ADGRL3: variants seen among roughly 807,000 people sequenced by gnomAD.
ADGRL3 encodes the protein adhesion G protein-coupled receptor L3, also known as calcium-independent alpha-latrotoxin receptor 3.
In ADGRL3, 62 loss-of-function variants were observed where a neutral mutation model predicts 153.5. The ratio of observed to expected loss-of-function variants is 0.40; its 90% confidence interval spans 0.33 to 0.50. The LOEUF (loss-of-function observed/expected upper bound fraction) is 0.50, where lower values mean the gene tolerates loss of function less well. Ranked by LOEUF, ADGRL3 falls within the 20% of genes least tolerant of loss-of-function variation. The pLI is 0.47. For synonymous variants in ADGRL3, 710 were observed against 672.5 expected (o/e 1.06, Z -0.86); for missense variants, 1,641 against 1,859.4 (o/e 0.88, Z 2.16).
chr4:61,979,085 C>T (rs960918399), intron 17 of ADGRL3, among the ~76,000 whole-genome samples: 4 of 151,992 alleles, frequency 2.6e-5, no homozygotes, highest in African/African-American at 9.7e-5. Flanking sequence ...ATTTAGAGGA[C>T]AAAGGAATTG....
chr4:61,881,059 T>A (rs900462385), intron 9 of ADGRL3, among the ~76,000 whole-genome samples: 7 of 152,182 alleles, frequency 4.6e-5, no homozygotes, highest in Non-Finnish European at 1.0e-4. Context: ...TATGTTTATT[T>A]GATGAAAAAT....
intron 4 of ADGRL3, among the ~76,000 whole-genome samples, chr4:61,530,119 G>C (rs2098603168): frequency 6.6e-6 from 1 of 152,038 alleles, no homozygotes; most frequent in Non-Finnish European, 1.5e-5. Flanking sequence ...TGAAAATAAT[G>C]GGTATTAAAT....
chr4:61,526,214 A>G (rs1172192959), intron 4 of ADGRL3, among the ~76,000 whole-genome samples: 2 of 152,168 alleles, frequency 1.3e-5, no homozygotes, highest in African/African-American at 4.8e-5. Flanking sequence ...ATCACCGAGC[A>G]TGAGCTAAGT....
At chr4:61,499,766 T>C (rs2098363316) in intron 3 of ADGRL3, among the ~76,000 whole-genome samples, 1 of 152,070 alleles carries the variant, frequency 6.6e-6, no homozygotes, top group Admixed American at 6.6e-5. Flanking sequence ...ACACAATTCG[T>C]ATTCAAAAGA....
chr4:61,290,879 A>G (rs1343141940), intron 1 of ADGRL3, among the ~76,000 whole-genome samples: 1 of 152,014 alleles, frequency 6.6e-6, no homozygotes, highest in Non-Finnish European at 1.5e-5. Flanking sequence ...AGTTTCTCAT[A>G]CTTCTAGATA....
At position 62,071,909 on chromosome 4, in the gene ADGRL3, G is replaced by T; in HGVS notation, c.*1001G>T. On this transcript the variant is annotated 3_prime_UTR_variant, in exon 27 of 27. Transcript: ENST00000683033. ...TCCTTCCCTCACTATATATCTTTATGCAGTCAGAATATTTCCAACAGTGTT... is the reference window on the plus strand; with the variant it reads ...TCCTTCCCTCACTATATATCTTTATTCAGTCAGAATATTTCCAACAGTGTT... The T allele has an allele frequency of 7.0e-6, 2 of 286,240 alleles. No homozygotes were observed. Among genetic ancestry groups the T allele is most frequent in the South Asian group, 3.3e-5 (1 of 30,170 alleles). 17.7% of individuals were successfully genotyped at this position (286,240 alleles called of 1,614,324 possible).
At chr4:61,693,563 C>T (rs183079228) in intron 6 of ADGRL3, among the ~76,000 whole-genome samples, 72 of 152,248 alleles carry the variant, frequency 4.7e-4, no homozygotes, top group African/African-American at 1.5e-3. Flanking sequence ...TGCTCCACCA[C>T]CTCCATTAGT....
At chr4:61,602,599 G>A (rs1275281555) in intron 5 of ADGRL3, among the ~76,000 whole-genome samples, 1 of 152,102 alleles carries the variant, frequency 6.6e-6, no homozygotes, top group African/African-American at 2.4e-5. Flanking sequence ...CACCCTTTGA[G>A]CTAAGATTAG....
chr4:61,493,856 A>G (rs1351152382), intron 2 of ADGRL3, among the ~76,000 whole-genome samples: 1 of 152,238 alleles, frequency 6.6e-6, no homozygotes, highest in East Asian at 1.9e-4. Flanking sequence ...CATAGAGGAA[A>G]GAGCACTAAT....
chr4:61,832,455 T>G (rs1363921860), intron 9 of ADGRL3, among the ~76,000 whole-genome samples: 1 of 152,182 alleles, frequency 6.6e-6, no homozygotes, highest in Admixed American at 6.5e-5. Flanking sequence ...TTGCATTTCT[T>G]TTAGAAAGAA....
intron 2 of ADGRL3, among the ~76,000 whole-genome samples, chr4:61,425,972 T>C (rs2097274753): frequency 6.6e-6 from 1 of 152,160 alleles, no homozygotes; most frequent in Admixed American, 6.5e-5. Flanking sequence ...AGGTCATCCT[T>C]GGTGTCTGTA....
intron 2 of ADGRL3, among the ~76,000 whole-genome samples, chr4:61,471,611 A>G (rs1001651005): frequency 1.3e-5 from 2 of 151,908 alleles, no homozygotes; most frequent in Admixed American, 6.6e-5. Context: ...AATTCATTTT[A>G]AAAAAGGGAC....
intron 2 of ADGRL3, among the ~76,000 whole-genome samples, chr4:61,424,503 T>C (rs2097252830): frequency 6.6e-6 from 1 of 152,126 alleles, no homozygotes; most frequent in African/African-American, 2.4e-5. Flanking sequence ...AGGCCAGAGC[T>C]CAGGGATGCC....
intron 8 of ADGRL3, among the ~76,000 whole-genome samples, chr4:61,787,480 T>C (rs556848381): frequency 1.3e-5 from 2 of 152,204 alleles, no homozygotes; most frequent in East Asian, 3.9e-4. Context: ...TCTTTACAAT[T>C]TTATAAAGTA....
At position 61,745,277 on chromosome 4, in the gene ADGRL3, A is replaced by C. The variant is rs2096640491; in HGVS notation, c.1399+11723A>C. Among the ~76,000 whole-genome samples the C allele has an allele frequency of 2.0e-5, 3 of 152,200 alleles. No homozygotes were observed. The South Asian group carries it at 6.2e-4, about 32-fold the overall frequency. ...TGGGGAGAATGGAACCAAGTTGGAA[A>C]ACACTCTGCAGGATATTATCCAGGA... On this transcript the variant is annotated intron_variant, in intron 8 of 26. Coordinates refer to ENST00000683033, the MANE Select transcript of ADGRL3 (RefSeq NM_001387552.1).
At chr4:61,207,157 A>T (rs547676376) in intron 1 of ADGRL3, among the ~76,000 whole-genome samples, 1 of 151,942 alleles carries the variant, frequency 6.6e-6, no homozygotes. Context: ...CCATCAACCC[A>T]TCATCTACAT....
intron 1 of ADGRL3, among the ~76,000 whole-genome samples, chr4:61,253,108 G>A (rs1318402144): frequency 6.6e-6 from 1 of 152,080 alleles, no homozygotes; most frequent in African/African-American, 2.4e-5. Context: ...GGGCCTTCAG[G>A]CAGCCATCTA....
intron 2 of ADGRL3, among the ~76,000 whole-genome samples, chr4:61,460,492 T>C (rs571761823): frequency 7.2e-5 from 11 of 151,882 alleles, no homozygotes; most frequent in Non-Finnish European, 1.3e-4. Context: ...GAAAGGTTGA[T>C]TTCATGGAGG....
chr4:61,793,240 T>C (rs7657666), intron 8 of ADGRL3, among the ~76,000 whole-genome samples: 150,763 of 152,098 alleles, frequency 0.99, 74,734 homozygotes, highest in East Asian at 1. Flanking sequence ...CTGGCTAACA[T>C]GGTGAAACCC....
Sources: allele counts gnomAD v4.1 joint callset (sites outside exome capture counted in the v4.1 genomes callset), GRCh38; gene constraint gnomAD v4.1.1; transcripts MANE v1.5; gene names NCBI Gene and HGNC (gene_info 2026-07-23, HGNC 2026-07-21).